The following SP3 variants were observed in gnomAD, a reference collection of about 807,000 sequenced individuals.
SP3 encodes the protein transcription factor Sp3.
A neutral mutation model predicts 70.3 loss-of-function variants in SP3; 10 were observed. The ratio of observed to expected loss-of-function variants is 0.14; its 90% CI spans 0.09 to 0.24. SP3 has a LOEUF of 0.24. Among genes scored for constraint, SP3 ranks in the 10% least tolerant of loss-of-function variants. SP3 has a pLI of 1.00. For missense variants in SP3, 825 were observed against 914.6 expected (o/e 0.90, Z 1.26); for synonymous variants, 402 against 333.5 (o/e 1.21, Z -2.24).
intron 3 of SP3, among the ~76,000 whole-genome samples, chr2:173,962,180 G>A (rs1198261034): frequency 6.6e-6 from 1 of 151,888 alleles, no homozygotes; most frequent in African/African-American, 2.4e-5. Context: ...TTCTATCCTT[G>A]GGCCTCAGAC....
rs1220047947 is a variant in SP3, at chr2:173,905,962, T to C, written c.*3979A>G. Among the ~76,000 whole-genome samples the C allele has an allele frequency of 6.6e-6, 1 of 152,134 alleles. No individual in the cohort carries two copies. Among genetic ancestry groups the C allele is most frequent in the South Asian group, 2.1e-4 (1 of 4,826 alleles). ...CTGCAGTAAGCCATGATTGCACCAC[T>C]GCACTGTGTGACAGAGACAGACCCT... On this transcript the variant is annotated 3_prime_UTR_variant, in exon 7 of 7. Transcript: ENST00000310015.
chr2:173,939,709 G>T (rs1345911223), intron 4 of SP3, among the ~76,000 whole-genome samples: 1 of 126,056 alleles, frequency 7.9e-6, no homozygotes, highest in African/African-American at 3.1e-5. Flanking sequence ...AAGTTGTAGT[G>T]AGCCAAGATT....
intron 1 of SP3, 96 bp from the exon 2 acceptor site, chr2:173,964,649 C>T (rs1431000249): frequency 1.4e-5 from 8 of 564,824 alleles, no homozygotes; most frequent in African/African-American, 2.1e-5. Flanking sequence ...TCCCAAAGCC[C>T]GGACCCAGGC....
In SP3 at chr2:173,902,970, A is replaced by T. The variant is rs558961617; in HGVS notation, c.*6971T>A. The stretch of plus-strand genomic sequence containing the variant: ...TAAGACTATAAAAGTTGGGTGATAG[A>T]TACTTAGGTATTTGTTACATTGTTT... On this transcript the variant is annotated 3_prime_UTR_variant, in exon 7 of 7. Coordinates refer to ENST00000310015, the MANE Select transcript of SP3 (RefSeq NM_003111.5). Among the ~76,000 whole-genome samples, 40 of 152,342 alleles carry T rather than the reference A, an allele frequency of 2.6e-4. No individual in the cohort carries two copies. Among genetic ancestry groups the T allele is most frequent in the Middle Eastern group, 6.8e-3 (2 of 294 alleles).
At chr2:173,959,122 T>G (rs1182557076) in intron 3 of SP3, among the ~76,000 whole-genome samples, 1 of 152,272 alleles carries the variant, frequency 6.6e-6, no homozygotes, top group African/African-American at 2.4e-5. Context: ...AAAACAAATT[T>G]TGAGGTATTA....
At chr2:173,933,101 C>A (rs1015828822) in intron 4 of SP3, among the ~76,000 whole-genome samples, 1 of 152,114 alleles carries the variant, frequency 6.6e-6, no homozygotes, top group African/African-American at 2.4e-5. Context: ...ATGGGGTCAA[C>A]AGACTTGCTC....
In SP3 at chr2:173,933,641, T is replaced by TATAC. The variant is rs1553516845; in HGVS notation, c.1640-14857_1640-14856insGTAT. Among the ~76,000 whole-genome samples the TATAC allele has an allele frequency of 3.3e-3, 369 of 110,874 alleles. 5 individuals carry two copies. Among genetic ancestry groups the TATAC allele is most frequent in the Middle Eastern group, 4.7e-3 (1 of 212 alleles). The allele number at this position is 110,874 out of a possible 152,430, so 72.7% of individuals were successfully genotyped here. On this transcript the variant is annotated intron_variant, in intron 4 of 6. Transcript: ENST00000310015. ...AATGACTAACATTTATAAAACTTTA[T>TATAC]ATATATATATATATATATATATATA...
chr2:173,922,639 T>C (rs1689788665), intron 4 of SP3, among the ~76,000 whole-genome samples: 1 of 151,948 alleles, frequency 6.6e-6, no homozygotes, highest in Non-Finnish European at 1.5e-5. Flanking sequence ...CAGTGAGATA[T>C]GAGGAAACTG....
intron 2 of SP3, 97 bp from the exon 3 acceptor site, chr2:173,963,980 G>T: frequency 2.6e-6 from 2 of 776,486 alleles, no homozygotes; most frequent in Non-Finnish European, 3.7e-6. Flanking sequence ...CTCGGTCCCC[G>T]CCGACTGCGC....
intron 4 of SP3, among the ~76,000 whole-genome samples, chr2:173,935,767 A>ACAAATTCAATCCATTC (rs1275245882): frequency 6.6e-6 from 1 of 152,186 alleles, no homozygotes; most frequent in Non-Finnish European, 1.5e-5. Context: ...TATTTCAACC[A>ACAAATTCAATCCATTC]CAAATTCAAT....
chr2:173,965,020 G>A (rs1691246794), intron 1 of SP3, 145 bp downstream of exon 1: 18 of 1,049,730 alleles, frequency 1.7e-5, no homozygotes, highest in Non-Finnish European at 2.3e-5. Context: ...GGAGGGAGGC[G>A]CAGGGGAGTG....
At chr2:173,944,805 AAAAAC>A (rs1690484504) in intron 4 of SP3, among the ~76,000 whole-genome samples, 2 of 152,160 alleles carry the variant, frequency 1.3e-5, no homozygotes, top group South Asian at 2.1e-4. Flanking sequence ...AAAAGTACTA[AAAAAC>A]AAAACAAACC....
At chr2:173,953,014 T>C (rs1245835435) in intron 4 of SP3, among the ~76,000 whole-genome samples, 4 of 152,220 alleles carry the variant, frequency 2.6e-5, no homozygotes, top group South Asian at 4.1e-4. Context: ...AACCAGTGAA[T>C]TGTATAAAGA....
chr2:173,913,378 CAA>C (rs1689542018), intron 5 of SP3, 112 bp from the exon 6 acceptor site: 2 of 795,332 alleles, frequency 2.5e-6, no homozygotes, highest in Non-Finnish European at 3.5e-6. Context: ...ATTATCATTA[CAA>C]AGTCAATCAG....
chr2:173,956,607 A>G (rs1454074981), intron 3 of SP3, among the ~76,000 whole-genome samples: 1 of 152,248 alleles, frequency 6.6e-6, no homozygotes, highest in Non-Finnish European at 1.5e-5. Flanking sequence ...AAACATAAGC[A>G]TAGTGTATTA....
chr2:173,943,056 G>A (rs1004319740), intron 4 of SP3, among the ~76,000 whole-genome samples: 1 of 152,012 alleles, frequency 6.6e-6, no homozygotes, highest in Non-Finnish European at 1.5e-5. Flanking sequence ...GGTGTAGGGA[G>A]TATCCTAGAA....
chr2:173,965,210 C>G lies in SP3; in HGVS notation c.-39G>C, dbSNP rs1360073417. ...CACCTCAGGCGGGGCTCCCCGCCGC[C>G]TTACACATGGTGAGGAGCGAAGGCG... On this transcript the variant is annotated 5_prime_UTR_variant, in exon 1 of 7. Transcript: ENST00000310015. The G allele has an allele frequency of 1.9e-6, 3 of 1,546,348 alleles. No homozygotes were observed. The East Asian group carries it at 7.4e-5, about 38-fold the overall frequency.
chr2:173,953,698 G>A (rs1690786608), intron 4 of SP3, among the ~76,000 whole-genome samples: 1 of 151,776 alleles, frequency 6.6e-6, no homozygotes, highest in Non-Finnish European at 1.5e-5. Context: ...AACCCAGAAG[G>A]CAGAGGTTGC....
rs770300888 is a variant in SP3, at chr2:173,913,187, G to A, written c.1912C>T (p.Leu638=). 1 of 1,613,550 alleles carries A rather than the reference G, an allele frequency of 6.2e-7. No homozygotes were observed. Among genetic ancestry groups the A allele is most frequent in the South Asian group, 1.1e-5 (1 of 90,976 alleles). The part of the protein sequence containing the change: ...CGKVYGKTSH[L]RAHLRWHSGE... ...GAATGCCAACGCAGATGAGCTCTCA[G>A]ATGTGAGGTCTTCCCATAGACTTTA... Residue 638 remains leucine, a synonymous_variant, in exon 6 of 7, where the codon CTG becomes TTG. Coordinates refer to ENST00000310015, the MANE Select transcript of SP3 (RefSeq NM_003111.5).
Sources: gnomAD v4.1 joint callset for allele counts (sites outside exome capture counted in the v4.1 genomes callset) on GRCh38, gnomAD v4.1.1 for gene constraint, MANE v1.5 for transcripts, NCBI Gene and HGNC (gene_info 2026-07-23, HGNC 2026-07-21) for gene names.